The following PCDH15 variants were observed in gnomAD, a reference collection of about 807,000 sequenced individuals.
PCDH15 encodes the protein protocadherin related 15.
PCDH15 carries 129 observed loss-of-function variants against 178.5 expected under a neutral mutation model. The observed-to-expected ratio is 0.72, with a 90% CI of 0.63 to 0.84. The LOEUF is 0.84. Among genes scored for constraint, PCDH15 ranks in the 40% least tolerant of loss-of-function variants. PCDH15 has a pLI of 0.00. For missense variants in PCDH15, 2,230 were observed against 2,099.9 expected, an observed-to-expected ratio of 1.06 and a Z score of -1.21; for synonymous variants, 800 against 732.0, an observed-to-expected ratio of 1.09 and a Z score of -1.50.
rs1488154733 is a variant in PCDH15, at chr10:54,183,299, A to T, written c.1590+145T>A. ...ATGCTTTTATTTGAAAAGTAACAGA[A>T]ATTTAAAGCTATTTAAACTAATTAT... On this transcript the variant is annotated intron_variant, in intron 13 of 37. Coordinates refer to ENST00000644397, the MANE Select transcript of PCDH15 (RefSeq NM_001384140.1). The T allele has an allele frequency of 8.2e-6, 7 of 850,272 alleles. No homozygotes were observed. In the African/African-American group the frequency reaches 1.2e-4, roughly 14 times the overall value. 52.7% of individuals were successfully genotyped at this position (850,272 alleles called of 1,614,324 possible). A position where few individuals can be genotyped will look rare whatever the true frequency, so the allele number is the denominator to read the frequency against.
chr10:54,797,868 T>C (rs894963545), intron 1 of PCDH15, among the ~76,000 whole-genome samples: 50 of 152,006 alleles, frequency 3.3e-4, no homozygotes, highest in African/African-American at 1.2e-3. Flanking sequence ...GATTAAGTCA[T>C]ACTCGTCTAC....
intron 3 of PCDH15, among the ~76,000 whole-genome samples, chr10:54,853,289 G>GTGTATGTA (rs1249570811): frequency 2.9e-5 from 3 of 102,550 alleles, no homozygotes; most frequent in Non-Finnish European, 3.8e-5. Flanking sequence ...ATGTATGTGT[G>GTGTATGTA]TATATATATA....
At chr10:54,518,381 C>A (rs1331606617) in intron 3 of PCDH15, among the ~76,000 whole-genome samples, 3 of 151,978 alleles carry the variant, frequency 2.0e-5, no homozygotes, top group Non-Finnish European at 4.4e-5. Context: ...AAGGGGATAT[C>A]ACCACCGATC....
At chr10:54,257,233 T>C (rs2056971870) in intron 8 of PCDH15, among the ~76,000 whole-genome samples, 1 of 152,092 alleles carries the variant, frequency 6.6e-6, no homozygotes, top group African/African-American at 2.4e-5. Context: ...AAACAATGTA[T>C]AGTATGTGGA....
intron 23 of PCDH15, among the ~76,000 whole-genome samples, chr10:53,956,817 A>G (rs1000600497): frequency 5.9e-5 from 9 of 152,188 alleles, no homozygotes; most frequent in African/African-American, 2.2e-4. Context: ...TTTTAGTACC[A>G]TATAATTGGC....
intron 3 of PCDH15, among the ~76,000 whole-genome samples, chr10:54,395,325 C>T (rs1383963096): frequency 1.3e-5 from 2 of 151,734 alleles, no homozygotes; most frequent in Non-Finnish European, 2.9e-5. Context: ...TTCAGCAGGT[C>T]CCTCCGTTTG....
chr10:54,064,929 G>A (rs2094108555), intron 18 of PCDH15, among the ~76,000 whole-genome samples: 1 of 152,190 alleles, frequency 6.6e-6, no homozygotes, highest in East Asian at 1.9e-4. Flanking sequence ...CAACTTGGAA[G>A]GGGGTTAGGT....
intron 25 of PCDH15, among the ~76,000 whole-genome samples, chr10:53,907,375 T>C (rs542044663): frequency 6.6e-6 from 1 of 152,120 alleles, no homozygotes; most frequent in African/African-American, 2.4e-5. Context: ...GATAGAAAAA[T>C]AATGTTAAGG....
Position 53,880,520 on chromosome 10 carries a change from C to T in PCDH15, c.3502-13663G>A, listed in dbSNP as rs187632579. On this transcript the variant is annotated intron_variant, in intron 26 of 37. Coordinates refer to ENST00000644397, the MANE Select transcript of PCDH15 (RefSeq NM_001384140.1). ...GCAATTGAAAATTAAATCTGAATGT[C>T]GAATCCTCTGTAAATTCTGACAATT... Among the ~76,000 whole-genome samples, 303 of 152,104 alleles carry T rather than the reference C, an allele frequency of 2.0e-3. 1 individual carries two copies. The highest frequency in any genetic ancestry group is 4.6e-3 in the Admixed American group (71 of 15,270).
intron 2 of PCDH15, among the ~76,000 whole-genome samples, chr10:54,616,416 A>T (rs1044830810): frequency 2.0e-5 from 3 of 152,050 alleles, no homozygotes; most frequent in Non-Finnish European, 4.4e-5. Flanking sequence ...TGGAGGCCTT[A>T]ATTTTTCATC....
At chr10:54,318,238 C>T (rs1039382054) in intron 7 of PCDH15, among the ~76,000 whole-genome samples, 1 of 152,182 alleles carries the variant, frequency 6.6e-6, no homozygotes, top group Non-Finnish European at 1.5e-5. Flanking sequence ...TGGAGGCTTG[C>T]TCCAATTTCT....
chr10:54,475,164 G>A lies in PCDH15; in HGVS notation c.157+52648C>T, dbSNP rs1367814271. ...AAGTTTCATCATGCAGGTTCAAGTC[G>A]CATTGCCACGATTAAGTGGCTGTGA... On this transcript the variant is annotated intron_variant, in intron 3 of 37. Coordinates refer to ENST00000644397, the MANE Select transcript of PCDH15 (RefSeq NM_001384140.1). Among the ~76,000 whole-genome samples the A allele has an allele frequency of 4.6e-5, 7 of 151,712 alleles. No homozygotes were observed. The South Asian group carries it at 6.2e-4, about 13-fold the overall frequency.
intron 25 of PCDH15, among the ~76,000 whole-genome samples, chr10:53,913,774 A>G (rs957150380): frequency 3.3e-5 from 5 of 151,906 alleles, no homozygotes; most frequent in Admixed American, 1.3e-4. Context: ...AAAACAAAAA[A>G]AAACAAAGAG....
chr10:54,434,845 T>C (rs2075276728), intron 3 of PCDH15, among the ~76,000 whole-genome samples: 4 of 152,220 alleles, frequency 2.6e-5, no homozygotes. Flanking sequence ...AGACCAAGAA[T>C]AGAAGACTTT....
chr10:53,998,984 C>A (rs936972272), intron 20 of PCDH15, among the ~76,000 whole-genome samples: 1 of 141,004 alleles, frequency 7.1e-6, no homozygotes, highest in East Asian at 2.2e-4. Flanking sequence ...ACCCAGGAGG[C>A]GGATGTTGCA....
intron 8 of PCDH15, among the ~76,000 whole-genome samples, chr10:54,302,117 A>T (rs2060183206): frequency 6.6e-6 from 1 of 152,212 alleles, no homozygotes; most frequent in Admixed American, 6.5e-5. Flanking sequence ...CTGCATAGAT[A>T]ATAATGAATA....
chr10:54,610,887 C>T (rs2092938840), intron 2 of PCDH15, among the ~76,000 whole-genome samples: 1 of 151,754 alleles, frequency 6.6e-6, no homozygotes, highest in Non-Finnish European at 1.5e-5. Flanking sequence ...GCTGGTAGTA[C>T]TTGAGAAATA....
intron 25 of PCDH15, among the ~76,000 whole-genome samples, chr10:53,919,942 C>A (rs1170049088): frequency 6.6e-6 from 1 of 152,060 alleles, no homozygotes; most frequent in Non-Finnish European, 1.5e-5. Context: ...GGAAAGCAAA[C>A]CTACTTCTAA....
intron 2 of PCDH15, among the ~76,000 whole-genome samples, chr10:55,602,164 A>T (rs1368267837): frequency 6.6e-6 from 1 of 152,140 alleles, no homozygotes; most frequent in Non-Finnish European, 1.5e-5. Flanking sequence ...CCACCCGAAT[A>T]CTGCGCTTTT....
Sources: allele counts gnomAD v4.1 joint callset (sites outside exome capture counted in the v4.1 genomes callset), GRCh38; gene constraint gnomAD v4.1.1; transcripts MANE v1.5; gene names NCBI Gene and HGNC (gene_info 2026-07-23, HGNC 2026-07-21).